Variants in ZDHHC14 observed in about 807,000 individuals in gnomAD.
The protein encoded by ZDHHC14 is palmitoyltransferase ZDHHC14.
A neutral mutation model predicts 47.7 loss-of-function variants in ZDHHC14; 16 were observed. That is an observed-to-expected ratio of 0.34 (90% CI 0.23 to 0.51). ZDHHC14 has a LOEUF of 0.51. Among genes scored for constraint, ZDHHC14 ranks in the 20% least tolerant of loss-of-function variants. The pLI is 0.97. For missense variants in ZDHHC14, 515 were observed against 662.5 expected, an observed-to-expected ratio of 0.78 and a Z score of 2.44; for synonymous variants, 293 against 278.9, an observed-to-expected ratio of 1.05 and a Z score of -0.50.
chr6:157,478,229 T>A (rs992405501), intron 1 of ZDHHC14, among the ~76,000 whole-genome samples: 5 of 152,170 alleles, frequency 3.3e-5, no homozygotes, highest in Admixed American at 6.5e-5. Flanking sequence ...ATCATGATTT[T>A]AAAAAATTGA....
intron 1 of ZDHHC14, among the ~76,000 whole-genome samples, chr6:157,401,784 A>G (rs1294557945): frequency 6.7e-6 from 1 of 148,614 alleles, no homozygotes; most frequent in Non-Finnish European, 1.5e-5. Context: ...TCTCAGCTGC[A>G]GTAGTGAGGT....
chr6:157,447,057 T>G (rs1224357074), intron 1 of ZDHHC14, among the ~76,000 whole-genome samples: 1 of 151,762 alleles, frequency 6.6e-6, no homozygotes, highest in African/African-American at 2.4e-5. Context: ...ACGTGGAGGT[T>G]GCAGTGAGCT....
intron 1 of ZDHHC14, among the ~76,000 whole-genome samples, chr6:157,504,214 T>C (rs1018509522): frequency 3.3e-5 from 5 of 152,084 alleles, no homozygotes; most frequent in South Asian, 4.1e-4. Context: ...TTTGCTTGTT[T>C]GTTTGTTTTT....
chr6:157,670,553 C>T (rs1444622092), intron 8 of ZDHHC14, among the ~76,000 whole-genome samples: 1 of 152,166 alleles, frequency 6.6e-6, no homozygotes, highest in Non-Finnish European at 1.5e-5. Flanking sequence ...CCTTAGCCCC[C>T]CAAAGTGCTG....
At chr6:157,608,080 C>T (rs940797358) in intron 3 of ZDHHC14, among the ~76,000 whole-genome samples, 6 of 152,174 alleles carry the variant, frequency 3.9e-5, no homozygotes, top group African/African-American at 1.4e-4. Flanking sequence ...TTTTCACCAA[C>T]GAATTGAAAA....
At chr6:157,657,326 G>A (rs563615552) in intron 8 of ZDHHC14, among the ~76,000 whole-genome samples, 1 of 152,298 alleles carries the variant, frequency 6.6e-6, no homozygotes, top group African/African-American at 2.4e-5. Flanking sequence ...GAGATTACAA[G>A]TGTAAGCCAC....
At chr6:157,462,766 A>C (rs923837053) in intron 1 of ZDHHC14, among the ~76,000 whole-genome samples, 1 of 152,266 alleles carries the variant, frequency 6.6e-6, no homozygotes, top group African/African-American at 2.4e-5. Context: ...TGAAGTGCCC[A>C]GCCCAGTGCC....
chr6:157,394,536 C>T (rs1777484537), intron 1 of ZDHHC14, among the ~76,000 whole-genome samples: 1 of 152,176 alleles, frequency 6.6e-6, no homozygotes, highest in Non-Finnish European at 1.5e-5. Context: ...GGGGTTTAGA[C>T]CACATAGCAA....
intron 1 of ZDHHC14, among the ~76,000 whole-genome samples, chr6:157,494,341 C>T (rs1210684474): frequency 6.6e-6 from 1 of 152,234 alleles, no homozygotes; most frequent in Non-Finnish European, 1.5e-5. Flanking sequence ...CCCCTGCACC[C>T]TCTGACACTC....
intron 2 of ZDHHC14, among the ~76,000 whole-genome samples, chr6:157,553,921 C>A (rs1354457106): frequency 6.6e-6 from 1 of 152,100 alleles, no homozygotes; most frequent in Non-Finnish European, 1.5e-5. Flanking sequence ...GTGGAGTTGT[C>A]CCATGAGGGC....
chr6:157,637,513 C>T (rs618823), intron 5 of ZDHHC14, among the ~76,000 whole-genome samples: 66,431 of 151,958 alleles, frequency 0.44, 15,219 homozygotes, highest in East Asian at 0.85. Flanking sequence ...TCATAAAAGC[C>T]GTCCTTTGAT....
At chr6:157,528,872 A>G (rs1781265640) in intron 1 of ZDHHC14, among the ~76,000 whole-genome samples, 1 of 151,396 alleles carries the variant, frequency 6.6e-6, no homozygotes, top group Non-Finnish European at 1.5e-5. Context: ...TAATTAATTA[A>G]TTTAAAAAGC....
chr6:157,562,213 G>T (rs1256160646), intron 2 of ZDHHC14, among the ~76,000 whole-genome samples: 1 of 152,112 alleles, frequency 6.6e-6, no homozygotes, highest in East Asian at 1.9e-4. Flanking sequence ...GAAGAGAGAG[G>T]AAGGGCCTAT....
chr6:157,633,268 A>G (rs1026867170), intron 5 of ZDHHC14, among the ~76,000 whole-genome samples: 3 of 152,214 alleles, frequency 2.0e-5, no homozygotes, highest in African/African-American at 7.2e-5. Flanking sequence ...TGCAGTCACC[A>G]GGTGAGAGTC....
At chr6:157,501,120 A>G (rs992525483) in intron 1 of ZDHHC14, among the ~76,000 whole-genome samples, 1 of 152,202 alleles carries the variant, frequency 6.6e-6, no homozygotes, top group Non-Finnish European at 1.5e-5. Context: ...TTCTCTTCCC[A>G]TTTCTGGTAG....
Position 157,582,268 on chromosome 6 carries a change from CT to C in ZDHHC14, c.407-10718del, listed in dbSNP as rs1783545613. On this transcript the variant is annotated intron_variant, in intron 2 of 8. Transcript: ENST00000359775. This position sits in a 1 kb window ranked among gnomAD's most constrained non-coding sequence, Gnocchi z 4.3. ...TAGTATTGATATGTGCGGATTTGATCTTGTCATCACATTGTTAGCTGGTTAT... is the reference window on the plus strand; with the variant it reads ...TAGTATTGATATGTGCGGATTTGATCTGTCATCACATTGTTAGCTGGTTAT... 3.3e-5 allele frequency among the ~76,000 whole-genome samples: 5 copies of C among 152,270 alleles called. No individual in the cohort carries two copies. In the South Asian group the frequency reaches 8.3e-4, roughly 25 times the overall value.
At chr6:157,433,461 TA>T (rs1778380081) in intron 1 of ZDHHC14, among the ~76,000 whole-genome samples, 1 of 152,214 alleles carries the variant, frequency 6.6e-6, no homozygotes, top group South Asian at 2.1e-4. Context: ...GTGACCAAGA[TA>T]AAACCAGAGG....
intron 2 of ZDHHC14, among the ~76,000 whole-genome samples, chr6:157,557,764 TC>T (rs1782535262): frequency 1.3e-5 from 2 of 152,216 alleles, no homozygotes; most frequent in South Asian, 4.2e-4. Flanking sequence ...AGCTCAGTGC[TC>T]CCAAGCAAAT....
chr6:157,599,934 A>G (rs1454129267), intron 3 of ZDHHC14, among the ~76,000 whole-genome samples: 2 of 152,244 alleles, frequency 1.3e-5, no homozygotes, highest in South Asian at 2.1e-4. Flanking sequence ...CTCTATGCCA[A>G]TTGATTTGAA....
Sources: gnomAD v4.1 joint callset for allele counts (sites outside exome capture counted in the v4.1 genomes callset) on GRCh38, gnomAD v4.1.1 for gene constraint, Gnocchi (gnomAD v3.1) non-coding constraint, MANE v1.5 for transcripts, NCBI Gene and HGNC (gene_info 2026-07-23, HGNC 2026-07-21) for gene names.